STIP1: variants seen among roughly 807,000 people sequenced by gnomAD.
The protein encoded by STIP1 is stress induced phosphoprotein 1.
In STIP1, 16 loss-of-function variants were observed where a neutral mutation model predicts 77.4. The observed-to-expected ratio is 0.21, with a 90% CI of 0.14 to 0.31. The LOEUF (loss-of-function observed/expected upper bound fraction) is 0.31. STIP1 is among the 10% of genes least tolerant of loss of function. The probability of loss-of-function intolerance (pLI) is 1.00; values close to 1 mark genes in which losing one functional copy is unlikely to be tolerated. For missense variants in STIP1, 524 were observed against 684.8 expected (o/e 0.77, Z 2.62); for synonymous variants, 258 against 246.6 (o/e 1.05, Z -0.44).
At chr11:64,203,804 T>A in intron 13 of STIP1, 182 bp downstream of exon 13, 1 of 823,790 alleles carries the variant, frequency 1.2e-6, no homozygotes, top group Non-Finnish European at 1.9e-6. Flanking sequence ...CGTGATAGCT[T>A]AAGCAGTCAT....
intron 8 of STIP1, 116 bp downstream of exon 8, chr11:64,198,090 A>G: frequency 7.2e-7 from 1 of 1,382,700 alleles, no homozygotes; most frequent in Non-Finnish European, 9.7e-7. Flanking sequence ...ATAGGGTCTC[A>G]CTCTTTCACC....
chr11:64,203,079 C>T (rs1376867831), intron 11 of STIP1, 46 bp from the exon 12 acceptor site: 2 of 1,610,074 alleles, frequency 1.2e-6, no homozygotes, highest in African/African-American at 1.3e-5. Context: ...CAAGGAGCAG[C>T]CTTGGGCGCT....
At chr11:64,189,769 G>T (rs780424376) in intron 1 of STIP1, among the ~76,000 whole-genome samples, 4 of 152,142 alleles carry the variant, frequency 2.6e-5, no homozygotes, top group Non-Finnish European at 5.9e-5. Flanking sequence ...CTGTTGATCA[G>T]TACTCTGTTT....
intron 1 of STIP1, among the ~76,000 whole-genome samples, chr11:64,192,604 G>A (rs1460603614): frequency 2.6e-5 from 4 of 152,228 alleles, no homozygotes; most frequent in Non-Finnish European, 4.4e-5. Flanking sequence ...CCGCTCCCAA[G>A]AAAGAGAAGT....
rs373782695 is a variant in STIP1, at chr11:64,197,840, T to C, written c.903-14T>C. ...CTCTGTCCTAAGCAGTCCTTGTCCC[T>C]CTTTCTTTATCAGAGCATATGCTCG... On this transcript the variant is annotated splice_polypyrimidine_tract_variant and intron_variant, in intron 7 of 13. Coordinates refer to ENST00000305218, the MANE Select transcript of STIP1 (RefSeq NM_006819.3). The C allele has an allele frequency of 8.8e-5, 141 of 1,610,652 alleles. No homozygotes were observed. The East Asian group carries it at 2.5e-3, about 28-fold the overall frequency.
At chr11:64,185,860 T>C, upstream of STIP1, 1 of 1,536,114 alleles carries the variant, frequency 6.5e-7, no homozygotes, top group Non-Finnish European at 8.7e-7. Flanking sequence ...AGGTGGAAAT[T>C]TCCAGAACGA....
At chr11:64,194,356 CTTATTA>C in intron 3 of STIP1, 26 bp downstream of exon 3, 1 of 1,612,404 alleles carries the variant, frequency 6.2e-7, no homozygotes, top group Non-Finnish European at 8.5e-7. Context: ...AGTTTTCTTT[CTTATTA>C]TTAATGTGAT....
At chr11:64,185,932 C>A (rs1367002853), upstream of STIP1, 1 of 1,536,448 alleles carries the variant, frequency 6.5e-7, no homozygotes, top group Non-Finnish European at 8.7e-7. Context: ...CAATCCGTGT[C>A]GCAGAAGTTC....
intron 5 of STIP1, among the ~76,000 whole-genome samples, chr11:64,196,481 T>C (rs1208010704): frequency 6.6e-6 from 1 of 150,666 alleles, no homozygotes; most frequent in Admixed American, 6.6e-5. Context: ...GCCCTTCCCG[T>C]GGTCACCACA....
At chr11:64,199,866 A>G (rs370466171) in intron 8 of STIP1, 74 bp from the exon 9 acceptor site, 1 of 1,567,330 alleles carries the variant, frequency 6.4e-7, no homozygotes. Flanking sequence ...CCCGGCCCCT[A>G]ATGTGATTTT....
Position 64,186,200 on chromosome 11 carries a change from G to C in STIP1, c.-62G>C, listed in dbSNP as rs1234692799. On this transcript the variant is annotated 5_prime_UTR_variant, in exon 1 of 14. Coordinates refer to ENST00000305218, the MANE Select transcript of STIP1 (RefSeq NM_006819.3). Reference sequence around the variant, plus strand: ...TCTAGTAGGTTCCAGAAGGCGGCGCGTGCGGTTGGGAACGCGGAGCGGACG... The same window carrying C: ...TCTAGTAGGTTCCAGAAGGCGGCGCCTGCGGTTGGGAACGCGGAGCGGACG... 5 of 1,550,664 alleles carry C rather than the reference G, an allele frequency of 3.2e-6. No homozygotes were observed. Among genetic ancestry groups the C allele is most frequent in the Admixed American group, 2.0e-5 (1 of 50,980 alleles).
At chr11:64,187,776 C>T (rs112945432) in intron 1 of STIP1, among the ~76,000 whole-genome samples, 4 of 152,084 alleles carry the variant, frequency 2.6e-5, no homozygotes, top group African/African-American at 9.6e-5. Flanking sequence ...CCGAGGCAGG[C>T]GGATCACGAG....
chr11:64,196,091 A>G (rs1352161053), intron 5 of STIP1, among the ~76,000 whole-genome samples: 2 of 152,136 alleles, frequency 1.3e-5, no homozygotes, highest in East Asian at 3.8e-4. Flanking sequence ...TAGAATGGCC[A>G]GCATGTTAAA....
chr11:64,189,134 G>A (rs1042700042), intron 1 of STIP1, among the ~76,000 whole-genome samples: 23 of 152,340 alleles, frequency 1.5e-4, no homozygotes, highest in South Asian at 6.2e-4. Flanking sequence ...AGGTTGAGGC[G>A]GGTGGATCAC....
intron 1 of STIP1, among the ~76,000 whole-genome samples, chr11:64,190,929 A>G (rs1448506764): frequency 6.6e-6 from 1 of 152,082 alleles, no homozygotes; most frequent in Non-Finnish European, 1.5e-5. Context: ...GGCTCATACC[A>G]GTAATCCCAG....
At chr11:64,199,905 G>A (rs373540599) in intron 8 of STIP1, 35 bp from the exon 9 acceptor site, 101 of 1,611,364 alleles carry the variant, frequency 6.3e-5, no homozygotes, top group Middle Eastern at 1.8e-4. Context: ...GATTATGAGC[G>A]TTTAAATTAT....
At chr11:64,198,082 AG>A (rs1946171252) in intron 8 of STIP1, 108 bp downstream of exon 8, 1 of 1,349,092 alleles carries the variant, frequency 7.4e-7, no homozygotes, top group Non-Finnish European at 1.0e-6. Flanking sequence ...TTTTTGAGAT[AG>A]GGTCTCACTC....
intron 1 of STIP1, 67 bp downstream of exon 1, chr11:64,186,337 A>AGGGGG: frequency 3.2e-5 from 1 of 30,974 alleles, no homozygotes; most frequent in Admixed American, 9.5e-4. Flanking sequence ...AGGCCGCGGT[A>AGGGGG]GGGGGGCGGG....
Position 64,186,266 on chromosome 11 carries a change from A to T in STIP1, c.5A>T (p.Glu2Val). Residue 2 changes from glutamate to valine, a missense_variant, in exon 1 of 14, where the codon GAG becomes GTG. Transcript: ENST00000305218. M[E>V]QVNELKEKGN... is the part of the protein sequence containing the mutation. ...GGTTCCGGACCGCGCTGCGCTATGG[A>T]GCAGGTGAAGGGGGAGGGGCGGGCT... The T allele has an allele frequency of 6.8e-7, 1 of 1,472,548 alleles. No homozygotes were observed. 91.2% of individuals were successfully genotyped at this position (1,472,548 alleles called of 1,614,324 possible).
Sources: allele counts gnomAD v4.1 joint callset (sites outside exome capture counted in the v4.1 genomes callset), GRCh38; gene constraint gnomAD v4.1.1; transcripts MANE v1.5; gene names NCBI Gene and HGNC (gene_info 2026-07-23, HGNC 2026-07-21).